Variants in NUB1 observed in about 807,000 individuals in gnomAD.
NUB1 encodes the protein negative regulator of ubiquitin like proteins 1.
Under a neutral mutation model 77.1 loss-of-function variants are expected in NUB1, and 41 were observed. That is an observed-to-expected ratio of 0.53 (90% confidence interval 0.41 to 0.69). NUB1 has a LOEUF of 0.69. Ranked by LOEUF, NUB1 falls within the 30% of genes least tolerant of loss-of-function variation. The pLI, the probability that NUB1 is intolerant of heterozygous loss-of-function variation, is 0.00. For synonymous variants in NUB1, 257 were observed against 281.0 expected (o/e 0.91, Z 0.85); for missense variants, 643 against 743.8 (o/e 0.86, Z 1.58).
intron 11 of NUB1, among the ~76,000 whole-genome samples, chr7:151,371,974 C>T (rs1394728520): frequency 6.6e-6 from 1 of 152,246 alleles, no homozygotes; most frequent in East Asian, 1.9e-4. Flanking sequence ...TCCCAAGGTG[C>T]TGGGATTACA....
At chr7:151,360,280 T>G in intron 8 of NUB1, 33 bp downstream of exon 8, 1 of 1,189,614 alleles carries the variant, frequency 8.4e-7, no homozygotes, top group Non-Finnish European at 1.3e-6. Flanking sequence ...AACACCAGCT[T>G]TAAGGAAGAT....
At chr7:151,352,007 A>C in intron 4 of NUB1, 1 of 437,722 alleles carries the variant, frequency 2.3e-6, no homozygotes, top group South Asian at 1.6e-5. Context: ...TATGTTTTAA[A>C]ATGGTGTTTG....
At chr7:151,349,300 A>G in intron 3 of NUB1, 60 bp downstream of exon 3, 1 of 1,362,540 alleles carries the variant, frequency 7.3e-7, no homozygotes, top group Non-Finnish European at 1.0e-6. Context: ...GAGGTCAAAT[A>G]AATTGTTGTT....
At chr7:151,356,850 TG>T (rs1261284946) in intron 7 of NUB1, among the ~76,000 whole-genome samples, 1 of 152,196 alleles carries the variant, frequency 6.6e-6, no homozygotes, top group African/African-American at 2.4e-5. Context: ...CCTGAGTAGC[TG>T]GGATTACAGG....
intron 8 of NUB1, among the ~76,000 whole-genome samples, chr7:151,364,084 G>A (rs145366092): frequency 0.042 from 6,312 of 150,180 alleles, 146 homozygotes; most frequent in Admixed American, 0.069. Flanking sequence ...GTGAGCCACC[G>A]CGCCTGGCCT....
At chr7:151,360,532 G>T (rs527288585) in intron 8 of NUB1, 8 of 300,022 alleles carry the variant, frequency 2.7e-5, no homozygotes, top group African/African-American at 1.5e-4. Context: ...TTTCCTGTCA[G>T]CTTTTCACCT....
chr7:151,348,019 G>A (rs976633316), intron 2 of NUB1, among the ~76,000 whole-genome samples: 8 of 152,122 alleles, frequency 5.3e-5, no homozygotes, highest in African/African-American at 1.7e-4. Flanking sequence ...TTTGGATTTT[G>A]GAATGTTTGC....
At chr7:151,363,794 T>C (rs1039665384) in intron 8 of NUB1, among the ~76,000 whole-genome samples, 4 of 152,126 alleles carry the variant, frequency 2.6e-5, no homozygotes, top group Non-Finnish European at 5.9e-5. Context: ...ATTTTATTTT[T>C]TCAGACGGAG....
At chr7:151,345,266 C>A in intron 1 of NUB1, 82 bp from the exon 2 acceptor site, 1 of 853,898 alleles carries the variant, frequency 1.2e-6, no homozygotes, top group Non-Finnish European at 1.9e-6. Context: ...GCTTACCCAA[C>A]AAAGCACCTT....
chr7:151,355,225 T>C (rs1314451156), intron 5 of NUB1, among the ~76,000 whole-genome samples: 1 of 152,268 alleles, frequency 6.6e-6, no homozygotes, highest in Admixed American at 6.5e-5. Context: ...TGCTTTGATC[T>C]GGTCTTAGGC....
chr7:151,367,108 A>C lies in NUB1; in HGVS notation c.970A>C (p.Arg324=). Residue 324 remains arginine, a synonymous_variant, in exon 9 of 15, where the codon AGA becomes CGA. Transcript: ENST00000568733. ...FKNCYGENHQ[R]LVHIKGNCGK... ...AAATTGTTACGGAGAAAATCATCAG[A>C]GACTGGTCCACATAAAAGTATGTTC... The C allele has an allele frequency of 6.2e-7, 1 of 1,613,312 alleles. No homozygotes were observed.
intron 8 of NUB1, among the ~76,000 whole-genome samples, chr7:151,362,855 C>T (rs10275580): frequency 0.13 from 20,486 of 152,220 alleles, 1,994 homozygotes; most frequent in African/African-American, 0.28. Context: ...AATAATCCTC[C>T]GAGTTCATAG....
At chr7:151,376,352 G>A (rs1020916422) in intron 13 of NUB1, 11 of 491,366 alleles carry the variant, frequency 2.2e-5, no homozygotes, top group East Asian at 1.0e-4. Flanking sequence ...CACTGACCTC[G>A]CGGTGCTCGT....
intron 3 of NUB1, chr7:151,351,146 G>T: frequency 2.6e-6 from 1 of 389,564 alleles, no homozygotes; most frequent in Non-Finnish European, 4.6e-6. Context: ...AGGGATGGTG[G>T]AAATGTTCTG....
intron 11 of NUB1, among the ~76,000 whole-genome samples, chr7:151,370,381 G>A (rs1292885119): frequency 6.6e-6 from 1 of 152,096 alleles, no homozygotes; most frequent in African/African-American, 2.4e-5. Flanking sequence ...GAGCCACTGC[G>A]ACCAGCTGAA....
chr7:151,351,555 C>T (rs370811153), intron 4 of NUB1, 73 bp downstream of exon 4: 82 of 1,095,640 alleles, frequency 7.5e-5, no homozygotes, highest in Non-Finnish European at 1.0e-4. Flanking sequence ...CCTCTGTGAG[C>T]GTCCTCTTAA....
chr7:151,348,569 CTTTTTTTTT>C (rs59781719), intron 2 of NUB1, among the ~76,000 whole-genome samples: 4 of 69,924 alleles, frequency 5.7e-5, no homozygotes, highest in African/African-American at 1.2e-4. Flanking sequence ...TTGCTTTTTG[CTTTTTTTTT>C]TTTTTTTTTT....
Position 151,375,941 on chromosome 7 carries a change from C to A in NUB1, c.1489C>A (p.Arg497=). The change falls in exon 13 of 15, where the codon CGA becomes AGA. Residue 497 remains arginine, a splice_region_variant and synonymous_variant. Coordinates refer to ENST00000568733, the MANE Select transcript of NUB1 (RefSeq NM_001243351.2). ...QESPSQENID[R]LVYMGFDALV... is the part of the protein sequence containing the mutation. ...AAGTCCTTCCCAGGAAAACATTGACCGAGTGAGTGACAGGCCTTTGTGCCC... is the reference window on the plus strand; with the variant it reads ...AAGTCCTTCCCAGGAAAACATTGACAGAGTGAGTGACAGGCCTTTGTGCCC... 9 of 1,604,952 alleles carry A rather than the reference C, an allele frequency of 5.6e-6. No individual in the cohort carries two copies. The highest frequency in any genetic ancestry group is 7.7e-6 in the Non-Finnish European group (9 of 1,171,870).
chr7:151,343,380 A>G (rs1223748106), intron 1 of NUB1, among the ~76,000 whole-genome samples: 3 of 152,234 alleles, frequency 2.0e-5, no homozygotes, highest in Non-Finnish European at 4.4e-5. Context: ...TTTATGAAAT[A>G]CACAAGCTAC....
Sources: allele counts gnomAD v4.1 joint callset (sites outside exome capture counted in the v4.1 genomes callset), GRCh38; gene constraint gnomAD v4.1.1; transcripts MANE v1.5; gene names NCBI Gene and HGNC (gene_info 2026-07-23, HGNC 2026-07-21).